The following KLF8 variants were observed in gnomAD, a reference collection of about 807,000 sequenced individuals.
KLF8 encodes KLF transcription factor 8.
In KLF8, 10 loss-of-function variants were observed where a neutral mutation model predicts 18.2. The observed-to-expected ratio is 0.55, with a 90% CI of 0.34 to 0.93. The LOEUF (loss-of-function observed/expected upper bound fraction) is 0.93, where lower values mean the gene tolerates loss of function less well. Among genes scored for constraint, KLF8 ranks in the 40% least tolerant of loss-of-function variants. The probability of loss-of-function intolerance (pLI) is 0.02; values close to 1 mark genes in which losing one functional copy is unlikely to be tolerated. For missense variants in KLF8, 264 were observed against 277.9 expected, an observed-to-expected ratio of 0.95 and a Z score of 0.36; for synonymous variants, 109 against 97.3, an observed-to-expected ratio of 1.12 and a Z score of -0.71.
the KLF8 span, among the ~76,000 whole-genome samples, chrX:55,956,552 A>C: frequency 8.9e-6 from 1 of 111,765 alleles, no homozygotes; most frequent in African/African-American, 3.3e-5. Flanking sequence ...ATTTCTCTGC[A>C]TCCTGACCAA....
At chrX:56,185,785 G>C in the KLF8 span, among the ~76,000 whole-genome samples, 1 of 111,637 alleles carries the variant, frequency 9.0e-6, no homozygotes, top group Non-Finnish European at 1.9e-5. Flanking sequence ...AGCTTCATAA[G>C]TGAAGGAGAA....
chrX:56,174,767 T>C, the KLF8 span, among the ~76,000 whole-genome samples: 2 of 111,935 alleles, frequency 1.8e-5, no homozygotes, highest in African/African-American at 6.5e-5. Flanking sequence ...ATTGCCTCAA[T>C]TTCAGATCCT....
the KLF8 span, among the ~76,000 whole-genome samples, chrX:56,076,981 C>T: frequency 1.5e-4 from 17 of 111,022 alleles, no homozygotes; most frequent in East Asian, 8.5e-4. Flanking sequence ...CACTTTTTGA[C>T]GGGGTTGTTT....
the KLF8 span, among the ~76,000 whole-genome samples, chrX:56,197,927 G>A: frequency 8.9e-6 from 1 of 111,870 alleles, no homozygotes. Context: ...TGCAAGGCTG[G>A]TTCAATATAT....
At chrX:56,158,126 G>T in the KLF8 span, among the ~76,000 whole-genome samples, 3 of 111,604 alleles carry the variant, frequency 2.7e-5, no homozygotes, top group African/African-American at 9.8e-5. Context: ...AGTTTTCCCA[G>T]CACCATTTAT....
chrX:56,138,175 T>C, the KLF8 span, among the ~76,000 whole-genome samples: 5 of 108,779 alleles, frequency 4.6e-5, no homozygotes, highest in Non-Finnish European at 5.7e-5. Context: ...AGCTTTGAAA[T>C]TAATCAGTAA....
the KLF8 span, among the ~76,000 whole-genome samples, chrX:56,114,000 C>T: frequency 8.9e-6 from 1 of 111,950 alleles, no homozygotes; most frequent in African/African-American, 3.2e-5. Flanking sequence ...CTGCGGCTGG[C>T]CCTACCCCCA....
chrX:56,131,781 G>A, the KLF8 span, among the ~76,000 whole-genome samples: 1 of 111,595 alleles, frequency 9.0e-6, no homozygotes, highest in South Asian at 3.7e-4. Context: ...TAAGGTAAAA[G>A]GGTGGAAGAA....
chrX:56,017,014 G>A, the KLF8 span, among the ~76,000 whole-genome samples: 1 of 111,406 alleles, frequency 9.0e-6, no homozygotes, highest in Non-Finnish European at 1.9e-5. Context: ...TGAGGGAGGT[G>A]CTATATATCT....
At chrX:56,242,287 A>G (rs1202977602) in intron 1 of KLF8, among the ~76,000 whole-genome samples, 3 of 112,448 alleles carry the variant, frequency 2.7e-5, no homozygotes, top group African/African-American at 9.7e-5. Flanking sequence ...GTGATATTGT[A>G]GAACATGAAC....
At chrX:56,048,585 C>T in the KLF8 span, among the ~76,000 whole-genome samples, 31 of 111,438 alleles carry the variant, frequency 2.8e-4, no homozygotes, top group East Asian at 5.6e-4. Context: ...TGTAGATGTG[C>T]GGCATTATTT....
At chrX:56,041,965 G>GC in the KLF8 span, among the ~76,000 whole-genome samples, 7 of 112,016 alleles carry the variant, frequency 6.2e-5, no homozygotes, top group African/African-American at 2.3e-4. Flanking sequence ...GGGATTACAG[G>GC]CATGAGCCAC....
chrX:56,245,662 G>C (rs2066613547), intron 1 of KLF8, among the ~76,000 whole-genome samples: 3 of 112,144 alleles, frequency 2.7e-5, no homozygotes, highest in Admixed American at 9.5e-5. Flanking sequence ...CAGAATAATG[G>C]TTATTACCTC....
At chrX:56,179,135 C>T in the KLF8 span, among the ~76,000 whole-genome samples, 1 of 111,706 alleles carries the variant, frequency 9.0e-6, no homozygotes, top group Non-Finnish European at 1.9e-5. Flanking sequence ...GTTCTATGTT[C>T]TTCCATTTGT....
the KLF8 span, among the ~76,000 whole-genome samples, chrX:55,979,245 G>T: frequency 8.9e-6 from 1 of 111,946 alleles, no homozygotes; most frequent in Non-Finnish European, 1.9e-5. Context: ...GTTTGGAGTG[G>T]TGTGATGAAA....
At chrX:56,054,372 C>G in the KLF8 span, among the ~76,000 whole-genome samples, 15 of 111,238 alleles carry the variant, frequency 1.3e-4, no homozygotes, top group Non-Finnish European at 5.7e-5. Context: ...GCAGGTTATT[C>G]CATTTTCATA....
chrX:55,988,790 G>A, the KLF8 span, among the ~76,000 whole-genome samples: 1 of 111,547 alleles, frequency 9.0e-6, no homozygotes, highest in South Asian at 3.7e-4. Flanking sequence ...AATTACCTTG[G>A]GCAGTATGGC....
chrX:55,937,476 T>A, the KLF8 span, among the ~76,000 whole-genome samples: 6 of 112,324 alleles, frequency 5.3e-5, no homozygotes, highest in African/African-American at 1.9e-4. Context: ...ACTCTCCTCC[T>A]CCAAAGGAGC....
the KLF8 span, among the ~76,000 whole-genome samples, chrX:55,967,973 A>C: frequency 8.9e-6 from 1 of 111,756 alleles, no homozygotes; most frequent in Non-Finnish European, 1.9e-5. Flanking sequence ...AATGGATTTT[A>C]AGATAGTATT....
Sources: gnomAD v4.1 joint callset for allele counts (sites outside exome capture counted in the v4.1 genomes callset) on GRCh38, gnomAD v4.1.1 for gene constraint, MANE v1.5 for transcripts, NCBI Gene and HGNC (gene_info 2026-07-23, HGNC 2026-07-21) for gene names.